Variants in KLRF1 observed in about 807,000 individuals in gnomAD.
KLRF1 encodes killer cell lectin-like receptor subfamily F member 1.
A neutral mutation model predicts 30.7 loss-of-function variants in KLRF1; 27 were observed. The observed-to-expected ratio is 0.88, with a 90% confidence interval of 0.65 to 1.21. KLRF1 has a LOEUF of 1.21. Among genes scored for constraint, KLRF1 ranks in the 50% most tolerant of loss-of-function variants. The pLI is 0.00. For missense variants in KLRF1, 246 were observed against 259.3 expected (o/e 0.95, Z 0.35); for synonymous variants, 92 against 89.3 (o/e 1.03, Z -0.17).
At chr12:9,810,173 G>C in the KLRF1 span, among the ~76,000 whole-genome samples, 1 of 152,052 alleles carries the variant, frequency 6.6e-6, no homozygotes, top group East Asian at 1.9e-4. Context: ...CATTATTTTT[G>C]GTATTATACA....
At chr12:9,839,521 T>C (rs1228748615) in intron 3 of KLRF1, among the ~76,000 whole-genome samples, 2 of 152,054 alleles carry the variant, frequency 1.3e-5, no homozygotes, top group African/African-American at 4.8e-5. Context: ...AGAACACTTA[T>C]AACTCAAAAA....
chr12:9,839,621 T>C (rs894521150), intron 3 of KLRF1, among the ~76,000 whole-genome samples: 5 of 152,058 alleles, frequency 3.3e-5, no homozygotes, highest in African/African-American at 1.2e-4. Flanking sequence ...CTTGAAGAGA[T>C]GTTTAATATG....
chr12:9,832,217 C>T, intron 1 of KLRF1, 99 bp from the exon 2 acceptor site: 3 of 622,904 alleles, frequency 4.8e-6, no homozygotes, highest in East Asian at 2.8e-5. Flanking sequence ...CTTTTGAAAC[C>T]AAAACTAATA....
At chr12:9,833,253 A>T (rs979285891) in intron 2 of KLRF1, 50 bp from the exon 3 acceptor site, 4 of 1,314,422 alleles carry the variant, frequency 3.0e-6, no homozygotes, top group African/African-American at 1.5e-5. Flanking sequence ...TCCCTGAAAC[A>T]TTCCATAGAG....
intron 2 of KLRF1, among the ~76,000 whole-genome samples, chr12:9,832,912 T>C (rs1257837784): frequency 6.6e-6 from 1 of 152,134 alleles, no homozygotes; most frequent in African/African-American, 2.4e-5. Context: ...GGGTGAGGAA[T>C]GTGATATTCT....
the KLRF1 span, among the ~76,000 whole-genome samples, chr12:9,805,934 A>G: frequency 6.6e-6 from 1 of 152,012 alleles, no homozygotes; most frequent in African/African-American, 2.4e-5. Flanking sequence ...CAGTCTACCT[A>G]AAGTTTAGTT....
At position 9,844,718 on chromosome 12, in the gene KLRF1, A is replaced by C; in HGVS notation, c.*192A>C. The stretch of plus-strand genomic sequence containing the variant: ...TTAACAAACTAAAATGTACACTTCA[A>C]AATTTTTACGTGATAGTATAAACCA... On this transcript the variant is annotated 3_prime_UTR_variant, in exon 6 of 6. Transcript: ENST00000617889. 2.4e-6 allele frequency: 1 copy of C among 419,716 alleles called. No individual in the cohort carries two copies. The highest frequency in any genetic ancestry group is 4.3e-6 in the Non-Finnish European group (1 of 230,074). 26.0% of individuals were successfully genotyped at this position (419,716 alleles called of 1,614,324 possible). A position where few individuals can be genotyped will look rare whatever the true frequency, so the allele number is the denominator to read the frequency against.
At chr12:9,800,216 A>G in the KLRF1 span, among the ~76,000 whole-genome samples, 1 of 152,102 alleles carries the variant, frequency 6.6e-6, no homozygotes, top group African/African-American at 2.4e-5. Context: ...GCAAAGAATG[A>G]AAGTCCTATT....
chr12:9,831,959 A>G (rs779299431), intron 1 of KLRF1, among the ~76,000 whole-genome samples: 75 of 152,294 alleles, frequency 4.9e-4, no homozygotes, highest in Non-Finnish European at 7.8e-4. Flanking sequence ...GTTTATGTGG[A>G]TACACATGTA....
the KLRF1 span, among the ~76,000 whole-genome samples, chr12:9,805,956 T>G: frequency 2.0e-5 from 3 of 152,072 alleles, no homozygotes; most frequent in Non-Finnish European, 4.4e-5. Context: ...AGTTTGTTGA[T>G]ATCTTCAAAG....
chr12:9,834,439 T>G (rs1867524393), intron 3 of KLRF1, among the ~76,000 whole-genome samples: 1 of 151,892 alleles, frequency 6.6e-6, no homozygotes, highest in Admixed American at 6.6e-5. Flanking sequence ...CATGGAGAGA[T>G]AATGGGCGAT....
the KLRF1 span, among the ~76,000 whole-genome samples, chr12:9,820,879 T>C: frequency 6.6e-6 from 1 of 151,504 alleles, no homozygotes; most frequent in Non-Finnish European, 1.5e-5. Flanking sequence ...ACAGAAAGAG[T>C]CCAGCCCCTT....
the KLRF1 span, among the ~76,000 whole-genome samples, chr12:9,805,959 C>A: frequency 1.3e-5 from 2 of 151,910 alleles, no homozygotes; most frequent in African/African-American, 4.8e-5. Context: ...TTGTTGATAT[C>A]TTCAAAGAAT....
At position 9,833,289 on chromosome 12, in the gene KLRF1, G is replaced by C. The variant is rs1057126517; in HGVS notation, c.185-14G>C. On this transcript the variant is annotated splice_polypyrimidine_tract_variant and intron_variant, in intron 2 of 5. Transcript: ENST00000617889. ...AAGATATTTACCTAACCTTAAAATA[G>C]TCCTGTATTCAAGTTTCTCAGGGAG... 8 of 1,569,700 alleles carry C rather than the reference G, an allele frequency of 5.1e-6. No homozygotes were observed. The African/African-American group carries it at 1.1e-4, about 22-fold the overall frequency.
upstream of KLRF1, among the ~76,000 whole-genome samples, chr12:9,824,326 C>T (rs1867257511): frequency 6.6e-6 from 1 of 152,126 alleles, no homozygotes; most frequent in Non-Finnish European, 1.5e-5. Context: ...ATACACAACT[C>T]AATAAATATG....
upstream of KLRF1, among the ~76,000 whole-genome samples, chr12:9,825,150 C>G (rs1440830057): frequency 6.6e-6 from 1 of 151,930 alleles, no homozygotes; most frequent in African/African-American, 2.4e-5. Flanking sequence ...GAAAAATTAG[C>G]CCAAATAGCC....
chr12:9,812,479 A>G, the KLRF1 span, among the ~76,000 whole-genome samples: 1 of 151,980 alleles, frequency 6.6e-6, no homozygotes, highest in South Asian at 2.1e-4. Flanking sequence ...GTCCGCTGGC[A>G]TCAGGCAATC....
chr12:9,814,029 C>T, the KLRF1 span, among the ~76,000 whole-genome samples: 1 of 152,176 alleles, frequency 6.6e-6, no homozygotes, highest in South Asian at 2.1e-4. Context: ...TCCCTGGAGC[C>T]CCGCAGACAT....
chr12:9,817,466 A>G, the KLRF1 span: 101,558 of 430,832 alleles, frequency 0.24, 12,696 homozygotes, highest in Admixed American at 0.3. Flanking sequence ...TCTCTGAACC[A>G]GTTCATCCTT....
Sources: gnomAD v4.1 joint callset for allele counts (sites outside exome capture counted in the v4.1 genomes callset) on GRCh38, gnomAD v4.1.1 for gene constraint, MANE v1.5 for transcripts, NCBI Gene and HGNC (gene_info 2026-07-23, HGNC 2026-07-21) for gene names.